The following SLC4A4 variants were observed in gnomAD, a reference collection of about 807,000 sequenced individuals.
The protein encoded by SLC4A4 is solute carrier family 4 member 4.
In SLC4A4, 27 loss-of-function variants were observed where a neutral mutation model predicts 111.5. The observed-to-expected ratio is 0.24, with a 90% CI of 0.18 to 0.33. The LOEUF (loss-of-function observed/expected upper bound fraction) is 0.33, where lower values mean the gene tolerates loss of function less well. SLC4A4 is among the 10% of genes least tolerant of loss of function. The probability of loss-of-function intolerance (pLI) is 1.00; values close to 1 mark genes in which losing one functional copy is unlikely to be tolerated. For synonymous variants in SLC4A4, 443 were observed against 463.4 expected (o/e 0.96, Z 0.57); for missense variants, 909 against 1,315.5 (o/e 0.69, Z 4.78).
At chr4:71,136,546 A>G (rs888798251) in intron 2 of SLC4A4, among the ~76,000 whole-genome samples, 2 of 152,148 alleles carry the variant, frequency 1.3e-5, no homozygotes, top group African/African-American at 2.4e-5. Context: ...TCCAAAAAGG[A>G]CTCAAGACTC....
intron 3 of SLC4A4, among the ~76,000 whole-genome samples, chr4:71,305,194 G>A (rs746695727): frequency 2.0e-5 from 3 of 152,144 alleles, no homozygotes; most frequent in Non-Finnish European, 4.4e-5. Flanking sequence ...GGTGAAGTTG[G>A]GATTTGGATC....
intron 6 of SLC4A4, among the ~76,000 whole-genome samples, chr4:71,394,095 T>C (rs1437704702): frequency 6.6e-6 from 1 of 152,150 alleles, no homozygotes; most frequent in Non-Finnish European, 1.5e-5. Flanking sequence ...TTATAAACGT[T>C]GGCTTAAGCA....
At chr4:71,525,475 T>G (rs770613915) in intron 16 of SLC4A4, among the ~76,000 whole-genome samples, 1 of 152,044 alleles carries the variant, frequency 6.6e-6, no homozygotes, top group Non-Finnish European at 1.5e-5. Flanking sequence ...AGCACATCCA[T>G]GTATCATTTT....
intron 2 of SLC4A4, among the ~76,000 whole-genome samples, chr4:71,161,576 AG>A (rs941666411): frequency 3.3e-5 from 5 of 152,210 alleles, no homozygotes; most frequent in African/African-American, 1.2e-4. Context: ...TATCTTTCAT[AG>A]GAACTCTTCA....
chr4:71,514,704 T>C (rs1732223556), intron 16 of SLC4A4, among the ~76,000 whole-genome samples: 1 of 152,200 alleles, frequency 6.6e-6, no homozygotes, highest in African/African-American at 2.4e-5. Context: ...TTTCTATTTC[T>C]TACTGATTCA....
chr4:71,226,983 T>A (rs1030118931), intron 1 of SLC4A4, among the ~76,000 whole-genome samples: 2 of 152,098 alleles, frequency 1.3e-5, no homozygotes, highest in African/African-American at 4.8e-5. Context: ...AAAGAGCTCA[T>A]AATGTGGTGG....
At chr4:71,316,930 C>T (rs909374400) in intron 3 of SLC4A4, among the ~76,000 whole-genome samples, 1 of 152,020 alleles carries the variant, frequency 6.6e-6, no homozygotes, top group Non-Finnish European at 1.5e-5. Flanking sequence ...CTGTATTTCT[C>T]AGGCTGGACT....
intron 2 of SLC4A4, among the ~76,000 whole-genome samples, chr4:71,127,751 A>T (rs943524805): frequency 6.6e-6 from 1 of 152,246 alleles, no homozygotes; most frequent in Non-Finnish European, 1.5e-5. Context: ...ACCTATGAAC[A>T]TACATATGTA....
chr4:71,295,071 T>C (rs1413860074), intron 3 of SLC4A4, among the ~76,000 whole-genome samples: 1 of 152,164 alleles, frequency 6.6e-6, no homozygotes, highest in Non-Finnish European at 1.5e-5. Flanking sequence ...TATGGTTGAT[T>C]GGGGGAAATT....
intron 2 of SLC4A4, among the ~76,000 whole-genome samples, chr4:71,156,655 A>G (rs919316879): frequency 5.9e-5 from 9 of 151,908 alleles, no homozygotes; most frequent in Non-Finnish European, 1.0e-4. Flanking sequence ...TAGAAATACC[A>G]TATCAAAAGA....
At chr4:71,085,247 GGTTT>G (rs1399735682) in intron 1 of SLC4A4, among the ~76,000 whole-genome samples, 7 of 151,668 alleles carry the variant, frequency 4.6e-5, no homozygotes, top group East Asian at 1.9e-4. Context: ...CTTTTTGATG[GGTTT>G]GTTTGTTTTT....
chr4:71,425,406 C>T (rs1278256600), intron 7 of SLC4A4, among the ~76,000 whole-genome samples: 1 of 152,100 alleles, frequency 6.6e-6, no homozygotes, highest in Non-Finnish European at 1.5e-5. Context: ...CATGAGTCTT[C>T]CTTCTCTTCT....
chr4:71,559,181 A>T (rs1413277964), intron 22 of SLC4A4, among the ~76,000 whole-genome samples: 2 of 151,926 alleles, frequency 1.3e-5, no homozygotes, highest in Non-Finnish European at 2.9e-5. Context: ...AGAGAGCACG[A>T]TGCTGATAAA....
chr4:71,395,872 T>C (rs1719778136), intron 6 of SLC4A4, among the ~76,000 whole-genome samples: 1 of 152,208 alleles, frequency 6.6e-6, no homozygotes, highest in African/African-American at 2.4e-5. Context: ...TCAACATGAT[T>C]AGGATTGCTA....
intron 6 of SLC4A4, among the ~76,000 whole-genome samples, chr4:71,386,623 T>C (rs1405836816): frequency 6.6e-6 from 1 of 152,094 alleles, no homozygotes; most frequent in Non-Finnish European, 1.5e-5. Flanking sequence ...CTCATACATA[T>C]AGGTTTTAAG....
intron 3 of SLC4A4, among the ~76,000 whole-genome samples, chr4:71,311,890 TGAGAGAGA>T (rs761331086): frequency 7.7e-4 from 59 of 76,610 alleles, no homozygotes; most frequent in Middle Eastern, 8.6e-3. Flanking sequence ...TGCAAGGCTG[TGAGAGAGA>T]GAGAGAGAGA....
intron 2 of SLC4A4, among the ~76,000 whole-genome samples, chr4:71,167,212 A>G (rs1418305828): frequency 6.6e-6 from 1 of 152,154 alleles, no homozygotes; most frequent in African/African-American, 2.4e-5. Context: ...TGCTAACCAG[A>G]CTACCTACAG....
intron 3 of SLC4A4, among the ~76,000 whole-genome samples, chr4:71,328,237 C>A (rs1367482737): frequency 6.6e-6 from 1 of 152,106 alleles, no homozygotes; most frequent in African/African-American, 2.4e-5. Flanking sequence ...TTGATGCTCA[C>A]TTAAGTTGTT....
chr4:71,561,998 T>C (rs1348004039), intron 23 of SLC4A4, among the ~76,000 whole-genome samples: 1 of 151,776 alleles, frequency 6.6e-6, no homozygotes, highest in Non-Finnish European at 1.5e-5. Flanking sequence ...TTGGAGAATG[T>C]TTTAAATGTA....
Sources: gnomAD v4.1 joint callset for allele counts (sites outside exome capture counted in the v4.1 genomes callset) on GRCh38, gnomAD v4.1.1 for gene constraint, MANE v1.5 for transcripts, NCBI Gene and HGNC (gene_info 2026-07-23, HGNC 2026-07-21) for gene names.